The following D2HGDH variants were observed in gnomAD, a reference collection of about 807,000 sequenced individuals.
D2HGDH encodes D-2-hydroxyglutarate dehydrogenase, also known as D-2-hydroxyglutarate dehydrogenase, mitochondrial.
Under a neutral mutation model 46.9 loss-of-function variants are expected in D2HGDH, and 31 were observed. The ratio of observed to expected loss-of-function variants is 0.66; its 90% CI spans 0.50 to 0.89. D2HGDH has a LOEUF of 0.89. Among genes scored for constraint, D2HGDH ranks in the 40% least tolerant of loss-of-function variants. D2HGDH has a pLI of 0.00. For synonymous variants in D2HGDH, 364 were observed against 332.6 expected (o/e 1.09, Z -1.03); for missense variants, 698 against 720.8 (o/e 0.97, Z 0.36).
chr2:241,750,298 C>T lies in D2HGDH; in HGVS notation c.997+4C>T, dbSNP rs1696914444. 1 of 1,609,800 alleles carries T rather than the reference C, an allele frequency of 6.2e-7. No homozygotes were observed. The highest frequency in any genetic ancestry group is 8.5e-7 in the Non-Finnish European group (1 of 1,178,662). On this transcript the variant is annotated splice_donor_region_variant and intron_variant, in intron 7 of 9. Coordinates refer to ENST00000321264, the MANE Select transcript of D2HGDH (RefSeq NM_152783.5). The stretch of plus-strand genomic sequence containing the variant: ...CACCTGGCCAGCCCGGTGCAAGGTA[C>T]TGACCCCCCACACAGGGGGCAGCTG...
intron 9 of D2HGDH, among the ~76,000 whole-genome samples, chr2:241,758,767 A>ATGTGTGTGTGTGTGTGTG (rs768590214): frequency 3.4e-4 from 36 of 106,218 alleles, no homozygotes; most frequent in African/African-American, 9.9e-4. Context: ...GCCCCACAAT[A>ATGTGTGTGTGTGTGTGTG]TATGTGTGTG....
At chr2:241,737,118 G>A (rs1231638408) in intron 2 of D2HGDH, among the ~76,000 whole-genome samples, 1 of 152,162 alleles carries the variant, frequency 6.6e-6, no homozygotes, top group East Asian at 1.9e-4. Context: ...ACAGGCGCCC[G>A]CCACCACGCC....
At chr2:241,741,997 C>G (rs1484149130) in intron 3 of D2HGDH, among the ~76,000 whole-genome samples, 1 of 152,132 alleles carries the variant, frequency 6.6e-6, no homozygotes, top group African/African-American at 2.4e-5. Context: ...TGCAAAGGTG[C>G]AGGCTGGTTG....
rs1695438017 is a variant in D2HGDH, at chr2:241,744,876, CG to C, written c.853+1del. 1 of 1,613,964 alleles carries C rather than the reference CG, an allele frequency of 6.2e-7. No individual in the cohort carries two copies. Among genetic ancestry groups the C allele is most frequent in the African/African-American group, 1.3e-5 (1 of 74,902 alleles). ...KPRAVNVAFL[G>X]CPGFAEVLQT... Reference sequence around the variant, plus strand: ...CCAGGGCTGTGAACGTGGCTTTCCTCGGTGGGCTTCCTCGATGTGTGCCTTG... The same window carrying C: ...CCAGGGCTGTGAACGTGGCTTTCCTCGTGGGCTTCCTCGATGTGTGCCTTG... On this transcript the variant is annotated frameshift_variant and splice_region_variant, in exon 6 of 10. Transcript: ENST00000321264. LOFTEE classifies it high-confidence loss of function.
At chr2:241,764,967 C>CT (rs1699154376) in intron 9 of D2HGDH, among the ~76,000 whole-genome samples, 1 of 152,198 alleles carries the variant, frequency 6.6e-6, no homozygotes, top group African/African-American at 2.4e-5. Flanking sequence ...GGGCCAGGGC[C>CT]AGGGTGTGCT....
At chr2:241,754,791 CG>C (rs1037008977) in intron 8 of D2HGDH, 2 of 272,048 alleles carry the variant, frequency 7.4e-6, no homozygotes, top group Admixed American at 9.8e-5. Context: ...TTTTAAGAGA[CG>C]GGGTCTCCCT....
rs888786406 is a variant in D2HGDH, at chr2:241,751,474, A to G, written c.1140+86A>G. The G allele has an allele frequency of 1.1e-5, 17 of 1,568,628 alleles. No homozygotes were observed. In the African/African-American group the frequency reaches 2.3e-4, roughly 21 times the overall value. On this transcript the variant is annotated intron_variant, in intron 8 of 9. Coordinates refer to ENST00000321264, the MANE Select transcript of D2HGDH (RefSeq NM_152783.5). ...GGATGCCTGGAACGGTCATTGGTGC[A>G]GCCTAGACAGTGTGGGATGTGGCTG... is the stretch of plus-strand genomic sequence containing the variant.
intron 2 of D2HGDH, among the ~76,000 whole-genome samples, chr2:241,740,390 C>T (rs911554512): frequency 1.3e-5 from 2 of 152,178 alleles, no homozygotes; most frequent in Non-Finnish European, 2.9e-5. Flanking sequence ...ACCGAGCCGA[C>T]CTCACCACAA....
chr2:241,740,014 A>G (rs1427162990), intron 2 of D2HGDH, among the ~76,000 whole-genome samples: 1 of 152,120 alleles, frequency 6.6e-6, no homozygotes, highest in Non-Finnish European at 1.5e-5. Flanking sequence ...GCATGGTGGC[A>G]GGCACCTGTA....
In D2HGDH at chr2:241,768,095, T is replaced by A. The variant is rs2125181112; in HGVS notation, c.*126T>A. The A allele has an allele frequency of 1.0e-5, 14 of 1,370,304 alleles. No homozygotes were observed. In the South Asian group the frequency reaches 2.0e-4, roughly 20 times the overall value. The allele number at this position is 1,370,304 out of a possible 1,614,324, so 84.9% of individuals were successfully genotyped here. On this transcript the variant is annotated 3_prime_UTR_variant, in exon 10 of 10. Coordinates refer to ENST00000321264, the MANE Select transcript of D2HGDH (RefSeq NM_152783.5). ...GGACCAGGCACCTGGTTGAAGGGAC[T>A]GGGAGCCCGCACTGGGGAACTGCCG...
At chr2:241,748,801 T>C in intron 6 of D2HGDH, 1 of 1,153,644 alleles carries the variant, frequency 8.7e-7, no homozygotes, top group South Asian at 1.7e-5. Flanking sequence ...CAGTGCCATC[T>C]GGATCGGTGG....
chr2:241,746,334 A>G (rs1297312656), intron 6 of D2HGDH, among the ~76,000 whole-genome samples: 2 of 152,028 alleles, frequency 1.3e-5, no homozygotes, highest in Non-Finnish European at 2.9e-5. Flanking sequence ...CCCCTCCATG[A>G]GTGGTTCCCT....
At chr2:241,751,047 T>C (rs1204083667) in intron 7 of D2HGDH, among the ~76,000 whole-genome samples, 199 bp from the exon 8 acceptor site, 2 of 152,202 alleles carry the variant, frequency 1.3e-5, no homozygotes, top group African/African-American at 2.4e-5. Flanking sequence ...TGTGAGCCAC[T>C]GTGCCCGGCC....
chr2:241,749,469 CT>C lies in D2HGDH; in HGVS notation c.854-679del, dbSNP rs1357753930. ...GCCTGCAGACATCTCCACTCAGTTC[CT>C]TTCCATCTTTGCACTTGAGGGTCGG... On this transcript the variant is annotated intron_variant, in intron 6 of 9. Coordinates refer to ENST00000321264, the MANE Select transcript of D2HGDH (RefSeq NM_152783.5). The C allele has an allele frequency of 4.9e-6, 5 of 1,016,246 alleles. No homozygotes were observed. In the East Asian group the frequency reaches 3.2e-4, roughly 66 times the overall value. The allele number at this position is 1,016,246 out of a possible 1,614,324, so 63.0% of individuals were successfully genotyped here.
intron 1 of D2HGDH, 153 bp from the exon 2 acceptor site, chr2:241,734,980 C>G: frequency 2.0e-6 from 1 of 512,316 alleles, no homozygotes; most frequent in Non-Finnish European, 3.4e-6. Context: ...CGTGGGGCTT[C>G]GCGCGCTCGC....
intron 2 of D2HGDH, among the ~76,000 whole-genome samples, chr2:241,739,202 A>G (rs1181227795): frequency 6.6e-6 from 1 of 152,148 alleles, no homozygotes; most frequent in African/African-American, 2.4e-5. Flanking sequence ...TAAACATCAC[A>G]GGAGTGGGAA....
At position 241,767,881 on chromosome 2, in the gene D2HGDH, G is replaced by A; in HGVS notation, c.1478G>A (p.Gly493Glu). 1 of 1,608,486 alleles carries A rather than the reference G, an allele frequency of 6.2e-7. No individual in the cohort carries two copies. Among genetic ancestry groups the A allele is most frequent in the Non-Finnish European group, 8.5e-7 (1 of 1,177,926 alleles). Residue 493 changes from glycine to glutamate, a missense_variant, in exon 10 of 10, where the codon GGG becomes GAG. Coordinates refer to ENST00000321264, the MANE Select transcript of D2HGDH (RefSeq NM_152783.5). Reference sequence around the variant, plus strand: ...GTCCTGGGCTACAGCAAGCCACCGGGGGCCCTGCAGCTCATGCAGCAGCTC... The same window carrying A: ...GTCCTGGGCTACAGCAAGCCACCGGAGGCCCTGCAGCTCATGCAGCAGCTC... The part of the protein sequence containing the change: ...RDVLGYSKPP[G>E]ALQLMQQLKA...
intron 8 of D2HGDH, among the ~76,000 whole-genome samples, chr2:241,753,266 T>C (rs1341851914): frequency 2.0e-5 from 3 of 152,164 alleles, no homozygotes; most frequent in Admixed American, 1.3e-4. Context: ...GATATGCGGT[T>C]GTGTGCAGTT....
At chr2:241,764,734 C>T (rs1176035342) in intron 9 of D2HGDH, among the ~76,000 whole-genome samples, 13 of 152,214 alleles carry the variant, frequency 8.5e-5, no homozygotes, top group Non-Finnish European at 1.5e-4. Context: ...TGGGGTGGTG[C>T]GTCCTGGTTT....
Sources: gnomAD v4.1 joint callset for allele counts (sites outside exome capture counted in the v4.1 genomes callset) on GRCh38, gnomAD v4.1.1 for gene constraint, MANE v1.5 for transcripts, NCBI Gene and HGNC (gene_info 2026-07-23, HGNC 2026-07-21) for gene names.